Variants in PKP4 observed in about 807,000 individuals in gnomAD.
PKP4 encodes the protein plakophilin 4.
A neutral mutation model predicts 145.1 loss-of-function variants in PKP4; 90 were observed. The ratio of observed to expected loss-of-function variants is 0.62; its 90% CI spans 0.52 to 0.74. The LOEUF (loss-of-function observed/expected upper bound fraction) is 0.74, where lower values mean the gene tolerates loss of function less well. PKP4 is among the 30% of genes least tolerant of loss of function. PKP4 has a pLI of 0.00. For synonymous variants in PKP4, 563 were observed against 577.2 expected, an observed-to-expected ratio of 0.98 and a Z score of 0.35; for missense variants, 1,340 against 1,482.7, an observed-to-expected ratio of 0.90 and a Z score of 1.58.
At chr2:158,533,082 C>T in intron 1 of PKP4, 98 bp from the exon 2 acceptor site, 2 of 1,247,000 alleles carry the variant, frequency 1.6e-6, no homozygotes, top group South Asian at 3.2e-5. Flanking sequence ...GGTGTGTAGA[C>T]TGTAGTCTAC....
intron 14 of PKP4, 53 bp from the exon 15 acceptor site, chr2:158,663,219 T>A (rs751342458): frequency 1.9e-5 from 29 of 1,566,642 alleles, no homozygotes; most frequent in Non-Finnish European, 2.2e-5. Context: ...TTTTCAAGTA[T>A]TGGAGATCAT....
chr2:158,661,127 G>A, intron 12 of PKP4: 1 of 483,450 alleles, frequency 2.1e-6, no homozygotes, highest in South Asian at 2.4e-5. Context: ...CAGTCCAAAT[G>A]TGCAGGTTCC....
intron 6 of PKP4, 41 bp from the exon 7 acceptor site, chr2:158,624,837 C>G (rs375484468): frequency 8.0e-6 from 12 of 1,493,912 alleles, no homozygotes; most frequent in Non-Finnish European, 9.0e-6. Flanking sequence ...AACACAAAAC[C>G]CTGGATAAAC....
chr2:158,587,008 T>A (rs981312839), intron 3 of PKP4, among the ~76,000 whole-genome samples: 2 of 152,196 alleles, frequency 1.3e-5, no homozygotes, highest in African/African-American at 2.4e-5. Context: ...AGTAATAGAA[T>A]CTTTTTTGAA....
Position 158,658,190 on chromosome 2 carries a change from C to G in PKP4, c.1969C>G (p.Leu657Val). ...AAAAATGACAATCATTCGAGATGCT[C>G]TCTCAACCTTAACAAACACTGTGAT... ...AVKMTIIRDA[L>V]STLTNTVIVP... is the part of the protein sequence containing the mutation. Residue 657 changes from leucine to valine, a missense_variant, in exon 12 of 22, where the codon CTC becomes GTC. By Grantham distance (32) the Leu-to-Val change is conservative. Transcript: ENST00000389759. The G allele has an allele frequency of 1.2e-6, 2 of 1,604,548 alleles. No individual in the cohort carries two copies. The highest frequency in any genetic ancestry group is 1.7e-6 in the Non-Finnish European group (2 of 1,171,836).
intron 2 of PKP4, among the ~76,000 whole-genome samples, chr2:158,534,874 T>C (rs1395801788): frequency 6.6e-6 from 1 of 152,082 alleles, no homozygotes; most frequent in East Asian, 1.9e-4. Context: ...CTAAGAAGAG[T>C]TCAGCTTCTC....
chr2:158,624,995 C>G lies in PKP4; in HGVS notation c.721C>G (p.Leu241Val), dbSNP rs3732282. The G allele has an allele frequency of 2.5e-6, 4 of 1,614,186 alleles. No individual in the cohort carries two copies. Among genetic ancestry groups the G allele is most frequent in the East Asian group, 2.2e-5 (1 of 44,874 alleles). The change falls in exon 7 of 22, where the codon CTG (leucine) becomes GTG (valine). Residue 241 changes from leucine (L) to valine (V), a missense_variant. Physicochemically the swap from Leu to Val is conservative, Grantham distance 32. Transcript: ENST00000389759. Reference protein sequence around the residue: ...SPSRGSLRTSLGSGFGSPSVT... With the variant: ...SPSRGSLRTSVGSGFGSPSVT... ...TTCAAGGGGGTCTCTGAGAACTTCT[C>G]TGGGTAGTGGATTTGGCTCTCCGTC...
intron 11 of PKP4, among the ~76,000 whole-genome samples, chr2:158,643,233 C>G (rs962304692): frequency 6.6e-6 from 1 of 152,150 alleles, no homozygotes; most frequent in African/African-American, 2.4e-5. Flanking sequence ...GCAAGTCTCA[C>G]TCAACAGAGG....
chr2:158,667,498 G>T (rs990241297), intron 16 of PKP4, among the ~76,000 whole-genome samples: 2 of 152,122 alleles, frequency 1.3e-5, no homozygotes, highest in African/African-American at 4.8e-5. Flanking sequence ...GAGGGGAAAT[G>T]GGACAAGATC....
At chr2:158,476,712 G>GTT (rs11346794) in intron 1 of PKP4, among the ~76,000 whole-genome samples, 2 of 147,782 alleles carry the variant, frequency 1.4e-5, no homozygotes, top group African/African-American at 5.0e-5. Context: ...TTTTAAAATA[G>GTT]TTTTTTTTTT....
intron 4 of PKP4, among the ~76,000 whole-genome samples, chr2:158,604,099 A>C (rs905607746): frequency 6.6e-6 from 1 of 152,232 alleles, no homozygotes; most frequent in African/African-American, 2.4e-5. Flanking sequence ...AAGTCACACC[A>C]TGAAATAATA....
intron 4 of PKP4, among the ~76,000 whole-genome samples, chr2:158,606,861 A>G (rs779523155): frequency 6.6e-6 from 1 of 152,234 alleles, no homozygotes; most frequent in Non-Finnish European, 1.5e-5. Flanking sequence ...AAGGTGAGCT[A>G]TAGTGGAGAT....
intron 12 of PKP4, chr2:158,660,677 CAA>C (rs1169390284): frequency 6.6e-6 from 1 of 152,334 alleles, no homozygotes. Context: ...AATTTAGACA[CAA>C]AACCGTTTTC....
At chr2:158,622,182 A>G (rs1339298703) in intron 6 of PKP4, among the ~76,000 whole-genome samples, 1 of 152,200 alleles carries the variant, frequency 6.6e-6, no homozygotes, top group East Asian at 1.9e-4. Flanking sequence ...TCATCACTGG[A>G]ATTATTCTCT....
At chr2:158,471,466 C>G (rs770977844) in intron 1 of PKP4, among the ~76,000 whole-genome samples, 1 of 152,234 alleles carries the variant, frequency 6.6e-6, no homozygotes, top group African/African-American at 2.4e-5. Context: ...TCTATTCACA[C>G]TGAAATGTCT....
chr2:158,660,315 C>T (rs2056438820), intron 12 of PKP4: 1 of 152,600 alleles, frequency 6.6e-6, no homozygotes, highest in South Asian at 2.1e-4. Flanking sequence ...AACCTATGGC[C>T]CTGTGTCCAT....
intron 1 of PKP4, among the ~76,000 whole-genome samples, chr2:158,528,389 A>C (rs2043158588): frequency 8.8e-6 from 1 of 113,130 alleles, no homozygotes; most frequent in Non-Finnish European, 1.8e-5. Flanking sequence ...TCGCAAGAAC[A>C]AAAAACCAAA....
chr2:158,535,182 TTTC>T (rs1443311907), intron 2 of PKP4, among the ~76,000 whole-genome samples: 4 of 152,284 alleles, frequency 2.6e-5, no homozygotes, highest in South Asian at 4.1e-4. Flanking sequence ...GGAATAAAAA[TTTC>T]TTAAGACTCT....
At chr2:158,566,009 A>G (rs918315890) in intron 2 of PKP4, among the ~76,000 whole-genome samples, 3 of 152,172 alleles carry the variant, frequency 2.0e-5, no homozygotes, top group Non-Finnish European at 4.4e-5. Context: ...ACTAATAAAT[A>G]TGTTTTCTAA....
Sources: gnomAD v4.1 joint callset for allele counts (sites outside exome capture counted in the v4.1 genomes callset) on GRCh38, gnomAD v4.1.1 for gene constraint, MANE v1.5 for transcripts, NCBI Gene and HGNC (gene_info 2026-07-23, HGNC 2026-07-21) for gene names.